Variants in MYRIP observed in about 807,000 individuals in gnomAD.
MYRIP encodes the protein rab effector MyRIP.
In MYRIP, 49 loss-of-function variants were observed where a neutral mutation model predicts 98.0. The ratio of observed to expected loss-of-function variants is 0.50; its 90% CI spans 0.40 to 0.63. The LOEUF is 0.63. Ranked by LOEUF, MYRIP falls within the 30% of genes least tolerant of loss-of-function variation. The pLI, the probability that MYRIP is intolerant of heterozygous loss-of-function variation, is 0.00. For missense variants in MYRIP, 1,004 were observed against 1,058.2 expected, an observed-to-expected ratio of 0.95 and a Z score of 0.71; for synonymous variants, 404 against 409.5, an observed-to-expected ratio of 0.99 and a Z score of 0.16.
chr3:39,987,047 T>C (rs2125767005), intron 2 of MYRIP, among the ~76,000 whole-genome samples: 1 of 152,282 alleles, frequency 6.6e-6, no homozygotes, highest in African/African-American at 2.4e-5. Context: ...CATGTAGCTT[T>C]GTTACATAGG....
intron 2 of MYRIP, among the ~76,000 whole-genome samples, chr3:40,018,015 G>GAACTTTAAACT (rs1946908246): frequency 6.6e-6 from 1 of 152,110 alleles, no homozygotes; most frequent in Admixed American, 6.5e-5. Flanking sequence ...AGACCTCTAT[G>GAACTTTAAACT]AACTTTAAAC....
chr3:40,126,288 C>G (rs967261011), intron 3 of MYRIP, among the ~76,000 whole-genome samples: 8 of 152,204 alleles, frequency 5.3e-5, no homozygotes, highest in Admixed American at 1.3e-4. Context: ...TTTTAACAAG[C>G]CTTCCAGGAG....
chr3:39,899,747 G>A (rs1206615037), intron 1 of MYRIP, among the ~76,000 whole-genome samples: 2 of 152,132 alleles, frequency 1.3e-5, no homozygotes, highest in Non-Finnish European at 2.9e-5. Flanking sequence ...TTTCATTTTG[G>A]TGGATGTAAA....
chr3:40,063,134 A>AT (rs1948053230), intron 3 of MYRIP, among the ~76,000 whole-genome samples: 1 of 152,212 alleles, frequency 6.6e-6, no homozygotes, highest in African/African-American at 2.4e-5. Flanking sequence ...ACTGGCTTAA[A>AT]TTTTTCAAAA....
At chr3:40,199,660 G>A (rs965854793) in intron 10 of MYRIP, among the ~76,000 whole-genome samples, 7 of 152,082 alleles carry the variant, frequency 4.6e-5, no homozygotes, top group Non-Finnish European at 1.0e-4. Flanking sequence ...ATTATTTCCC[G>A]TACACAGACG....
At chr3:39,873,954 A>T (rs200175009) in intron 1 of MYRIP, among the ~76,000 whole-genome samples, 7,603 of 151,822 alleles carry the variant, frequency 0.05, 209 homozygotes, top group African/African-American at 0.064. Context: ...CATGATATTG[A>T]TTCTTCCTAC....
At chr3:40,051,383 T>A (rs9854779) in intron 3 of MYRIP, among the ~76,000 whole-genome samples, 13 of 152,058 alleles carry the variant, frequency 8.5e-5, no homozygotes, top group Admixed American at 8.5e-4. Context: ...TTAGCAATAA[T>A]GTATTTTAAT....
chr3:40,032,329 A>T (rs892949592), intron 2 of MYRIP, among the ~76,000 whole-genome samples: 1 of 151,864 alleles, frequency 6.6e-6, no homozygotes, highest in South Asian at 2.1e-4. Context: ...CATGTAGTTG[A>T]GCGGTTTTGA....
Position 40,205,267 on chromosome 3 carries a change from C to G in MYRIP, c.1666-4587C>G, listed in dbSNP as rs180685663. On this transcript the variant is annotated intron_variant, in intron 10 of 16. Coordinates refer to ENST00000302541, the MANE Select transcript of MYRIP (RefSeq NM_015460.4). ...TTGAACAGATTCATCTCTAGAAACC[C>G]TCTGTCCATGTTCACAAAATCTGTC... Among the ~76,000 whole-genome samples the G allele has an allele frequency of 3.3e-5, 5 of 152,232 alleles. No individual in the cohort carries two copies. In the East Asian group the frequency reaches 9.7e-4, roughly 29 times the overall value.
intron 1 of MYRIP, among the ~76,000 whole-genome samples, chr3:39,878,472 C>T (rs543087828): frequency 6.6e-6 from 1 of 152,226 alleles, no homozygotes; most frequent in Non-Finnish European, 1.5e-5. Context: ...AGAGCTGTTC[C>T]TATTCGGCCA....
Position 40,204,017 on chromosome 3 carries a change from T to C in MYRIP, c.1666-5837T>C, listed in dbSNP as rs1575628063. On this transcript the variant is annotated intron_variant, in intron 10 of 16. Coordinates refer to ENST00000302541, the MANE Select transcript of MYRIP (RefSeq NM_015460.4). Reference sequence around the variant, plus strand: ...TATATATATTATATATTATATATAATATATATTATATATATTATATATTAT... The same window carrying C: ...TATATATATTATATATTATATATAACATATATTATATATATTATATATTAT... Among the ~76,000 whole-genome samples the C allele has an allele frequency of 3.0e-4, 2 of 6,574 alleles. 1 individual carries two copies. Among genetic ancestry groups the C allele is most frequent in the Non-Finnish European group, 6.6e-4 (2 of 3,034 alleles). The allele number at this position is 6,574 out of a possible 152,430, so 4.3% of individuals were successfully genotyped here.
At chr3:40,008,163 GT>G (rs1293909636) in intron 2 of MYRIP, among the ~76,000 whole-genome samples, 2 of 152,198 alleles carry the variant, frequency 1.3e-5, no homozygotes, top group African/African-American at 2.4e-5. Context: ...CCATGGTTTT[GT>G]CTTTTCTTGG....
At chr3:39,927,709 G>T (rs1944447665) in intron 2 of MYRIP, among the ~76,000 whole-genome samples, 1 of 151,950 alleles carries the variant, frequency 6.6e-6, no homozygotes, top group African/African-American at 2.4e-5. Context: ...GCATCACCCT[G>T]ATACCAAAAC....
At chr3:40,248,759 GC>G (rs1450381408) in intron 13 of MYRIP, among the ~76,000 whole-genome samples, 1 of 152,192 alleles carries the variant, frequency 6.6e-6, no homozygotes, top group African/African-American at 2.4e-5. Context: ...AGCTTAGCCT[GC>G]AACTTTTCTC....
intron 3 of MYRIP, among the ~76,000 whole-genome samples, chr3:40,116,341 C>T (rs1168261356): frequency 6.6e-6 from 1 of 152,152 alleles, no homozygotes; most frequent in African/African-American, 2.4e-5. Flanking sequence ...TTACATTGCC[C>T]CCCAACACAC....
At chr3:40,104,233 T>G (rs1200678530) in intron 3 of MYRIP, among the ~76,000 whole-genome samples, 1 of 152,200 alleles carries the variant, frequency 6.6e-6, no homozygotes, top group Non-Finnish European at 1.5e-5. Flanking sequence ...AATTTTAGTA[T>G]GATAATATAT....
intron 8 of MYRIP, among the ~76,000 whole-genome samples, chr3:40,178,641 C>G (rs1950820639): frequency 6.6e-6 from 1 of 152,188 alleles, no homozygotes; most frequent in African/African-American, 2.4e-5. Context: ...TTAATAAATG[C>G]TCTTATTTGG....
intron 3 of MYRIP, among the ~76,000 whole-genome samples, chr3:40,143,607 G>A (rs1012002434): frequency 2.0e-5 from 3 of 152,074 alleles, no homozygotes; most frequent in African/African-American, 4.8e-5. Context: ...AATCATAATC[G>A]AAAACACATT....
Position 40,108,215 on chromosome 3 carries a change from G to T in MYRIP, c.333-42833G>T, listed in dbSNP as rs1043722847. 2.7e-5 allele frequency among the ~76,000 whole-genome samples: 4 copies of T among 148,638 alleles called. No homozygotes were observed. In the Admixed American group the frequency reaches 2.7e-4, roughly 10 times the overall value. On this transcript the variant is annotated intron_variant, in intron 3 of 16. Transcript: ENST00000302541. ...AGAGAGAGAGAGAGAGAGAGAGAGGGTGAGTCGAAGATGGCACTCACTGAA... is the reference window on the plus strand; with the variant it reads ...AGAGAGAGAGAGAGAGAGAGAGAGGTTGAGTCGAAGATGGCACTCACTGAA...
Sources: gnomAD v4.1 joint callset for allele counts (sites outside exome capture counted in the v4.1 genomes callset) on GRCh38, gnomAD v4.1.1 for gene constraint, MANE v1.5 for transcripts, NCBI Gene and HGNC (gene_info 2026-07-23, HGNC 2026-07-21) for gene names.